Variants in PUM1 observed in about 807,000 individuals in gnomAD.
The protein encoded by PUM1 is pumilio homolog 1.
Under a neutral mutation model 131.8 loss-of-function variants are expected in PUM1, and 13 were observed. That is an observed-to-expected ratio of 0.10 (90% confidence interval 0.06 to 0.16). PUM1 has a LOEUF of 0.16. Ranked by LOEUF, PUM1 falls within the 10% of genes least tolerant of loss-of-function variation. The pLI, the probability that PUM1 is intolerant of heterozygous loss-of-function variation, is 1.00. For missense variants in PUM1, 961 were observed against 1,512.4 expected (o/e 0.64, Z 6.05); for synonymous variants, 509 against 556.5 (o/e 0.91, Z 1.20).
At chr1:31,004,401 G>A (rs991904829) in intron 5 of PUM1, among the ~76,000 whole-genome samples, 1 of 152,194 alleles carries the variant, frequency 6.6e-6, no homozygotes, top group African/African-American at 2.4e-5. Context: ...GCAACCTACT[G>A]ATGCACAACA....
rs1368557651 is a variant in PUM1 at position 31,046,512 on chromosome 1, T to G, written c.363+12692A>C. On this transcript the variant is annotated intron_variant, in intron 2 of 21. Coordinates refer to ENST00000426105, the MANE Select transcript of PUM1 (RefSeq NM_001020658.2). ...GGGTTTTTTTTTTTTGTTTTTTTGG[T>G]TTTTTTTTTTTTTGAGACAGAGCCT... Among the ~76,000 whole-genome samples the G allele has an allele frequency of 1.3e-3, 13 of 10,282 alleles. No individual in the cohort carries two copies. The African/African-American group carries it at 0.013, about 10-fold the overall frequency. 6.7% of individuals were successfully genotyped at this position (10,282 alleles called of 152,430 possible). A position where few individuals can be genotyped will look rare whatever the true frequency, so the allele number is the denominator to read the frequency against.
chr1:31,052,349 G>A (rs1644131938), intron 2 of PUM1, among the ~76,000 whole-genome samples: 1 of 152,008 alleles, frequency 6.6e-6, no homozygotes, highest in African/African-American at 2.4e-5. Flanking sequence ...AACTCATTTG[G>A]GTGGGAAGAT....
chr1:31,026,486 T>G (rs922684442), intron 3 of PUM1, among the ~76,000 whole-genome samples: 2 of 152,198 alleles, frequency 1.3e-5, no homozygotes, highest in African/African-American at 4.8e-5. Context: ...AAAAATTTAC[T>G]CTTTCTGTTT....
chr1:31,059,702 G>T, intron 1 of PUM1, 125 bp from the exon 2 acceptor site: 1 of 1,133,542 alleles, frequency 8.8e-7, no homozygotes, highest in Non-Finnish European at 1.2e-6. Flanking sequence ...ATGCACTCTG[G>T]CAAGGTATTG....
At chr1:31,057,724 C>CAAAAAAAA (rs58490041) in intron 2 of PUM1, among the ~76,000 whole-genome samples, 1 of 72,468 alleles carries the variant, frequency 1.4e-5, no homozygotes. Context: ...GACTCCATCT[C>CAAAAAAAA]AAAAAAAAAA....
At chr1:30,944,051 G>A (rs939299047) in intron 18 of PUM1, among the ~76,000 whole-genome samples, 4 of 152,026 alleles carry the variant, frequency 2.6e-5, no homozygotes, top group African/African-American at 7.2e-5. Context: ...TGGATTTATC[G>A]TTTTATCTTT....
chr1:31,053,431 C>A (rs1570362724), intron 2 of PUM1, among the ~76,000 whole-genome samples: 1 of 151,180 alleles, frequency 6.6e-6, no homozygotes, highest in African/African-American at 2.4e-5. Context: ...GGGCTCTCTG[C>A]CGGGCGCAGT....
chr1:31,027,406 A>G (rs1420125903), intron 3 of PUM1, among the ~76,000 whole-genome samples: 2 of 152,236 alleles, frequency 1.3e-5, no homozygotes, highest in Non-Finnish European at 2.9e-5. Flanking sequence ...TCCAACAAAT[A>G]TGTTAACTTT....
intron 17 of PUM1, 100 bp downstream of exon 17, chr1:30,950,027 A>C: frequency 7.2e-7 from 1 of 1,384,326 alleles, no homozygotes; most frequent in Non-Finnish European, 9.8e-7. Flanking sequence ...ACAATGCAAA[A>C]CCATAAAAGA....
chr1:31,006,398 T>G (rs2124509679), intron 4 of PUM1, among the ~76,000 whole-genome samples: 1 of 152,360 alleles, frequency 6.6e-6, no homozygotes, highest in African/African-American at 2.4e-5. Flanking sequence ...TGTTCTTTTC[T>G]GATAATTCAC....
rs996254942 is a variant in PUM1, at chr1:30,933,455, C to T, written c.3436-113G>A. The T allele has an allele frequency of 2.2e-4, 161 of 747,672 alleles. 1 individual carries two copies. In the African/African-American group the frequency reaches 2.6e-3, roughly 12 times the overall value. 46.3% of individuals were successfully genotyped at this position (747,672 alleles called of 1,614,324 possible). ...ACACACACATACACACACACACACACACACACACACACACACACACACACA... is the reference window on the plus strand; with the variant it reads ...ACACACACATACACACACACACACATACACACACACACACACACACACACA... On this transcript the variant is annotated intron_variant, in intron 21 of 21. Coordinates refer to ENST00000426105, the MANE Select transcript of PUM1 (RefSeq NM_001020658.2).
intron 7 of PUM1, among the ~76,000 whole-genome samples, chr1:30,985,587 A>C (rs897090203): frequency 6.9e-6 from 1 of 145,674 alleles, no homozygotes; most frequent in Non-Finnish European, 1.5e-5. Flanking sequence ...AGGAGGCGGA[A>C]GTTGAGGTGA....
chr1:30,946,302 G>A (rs1385215070), intron 17 of PUM1, among the ~76,000 whole-genome samples: 1 of 151,128 alleles, frequency 6.6e-6, no homozygotes, highest in Admixed American at 6.6e-5. Flanking sequence ...CAGTACCCTA[G>A]AGTTGGACAA....
At chr1:30,990,596 C>T (rs1228421465) in intron 7 of PUM1, among the ~76,000 whole-genome samples, 3 of 151,600 alleles carry the variant, frequency 2.0e-5, no homozygotes, top group Non-Finnish European at 4.4e-5. Flanking sequence ...ACAGGAACAC[C>T]GAGAGATTGA....
intron 17 of PUM1, among the ~76,000 whole-genome samples, chr1:30,946,506 G>A (rs1298652608): frequency 6.6e-6 from 1 of 151,622 alleles, no homozygotes; most frequent in Non-Finnish European, 1.5e-5. Context: ...GCATGGTGGT[G>A]CGCGCCTGTA....
intron 14 of PUM1, among the ~76,000 whole-genome samples, chr1:30,961,767 C>T (rs1570139535): frequency 6.6e-6 from 1 of 152,002 alleles, no homozygotes; most frequent in East Asian, 1.9e-4. Context: ...TGTGCGCATT[C>T]AAACACTAGT....
chr1:31,023,007 A>T (rs571928373), intron 3 of PUM1, among the ~76,000 whole-genome samples: 4 of 150,840 alleles, frequency 2.7e-5, no homozygotes, highest in African/African-American at 7.3e-5. Context: ...TGTCTCTATT[A>T]AAAAAAAATA....
intron 3 of PUM1, among the ~76,000 whole-genome samples, chr1:31,018,293 G>T (rs753666264): frequency 5.9e-5 from 9 of 152,052 alleles, no homozygotes; most frequent in Admixed American, 1.3e-4. Flanking sequence ...AGGTTGCAGT[G>T]AGCCGAGATC....
chr1:31,056,609 CTTTTTTTTTTTTTTTTTTTTT>C (rs57685772), intron 2 of PUM1, among the ~76,000 whole-genome samples: 5 of 43,690 alleles, frequency 1.1e-4, no homozygotes, highest in African/African-American at 4.4e-4. Context: ...CTTTTCTTTT[CTTTTTTTTTTTTTTTTTTTTT>C]TTTTTTTTTT....
Sources: gnomAD v4.1 joint callset for allele counts (sites outside exome capture counted in the v4.1 genomes callset) on GRCh38, gnomAD v4.1.1 for gene constraint, MANE v1.5 for transcripts, NCBI Gene and HGNC (gene_info 2026-07-23, HGNC 2026-07-21) for gene names.